PFKFB3: variants seen among roughly 807,000 people sequenced by gnomAD.
The protein encoded by PFKFB3 is 6-phosphofructo-2-kinase/fructose-2,6-bisphosphatase 3.
PFKFB3 carries 33 observed loss-of-function variants against 68.0 expected under a neutral mutation model. That is an observed-to-expected ratio of 0.49 (90% CI 0.37 to 0.65). The LOEUF (loss-of-function observed/expected upper bound fraction) is 0.65, where lower values mean the gene tolerates loss of function less well. Among genes scored for constraint, PFKFB3 ranks in the 30% least tolerant of loss-of-function variants. The pLI is 0.00. For synonymous variants in PFKFB3, 315 were observed against 288.2 expected, an observed-to-expected ratio of 1.09 and a Z score of -0.94; for missense variants, 586 against 712.2, an observed-to-expected ratio of 0.82 and a Z score of 2.02.
At chr10:6,194,575 A>C (rs902001201) in intron 1 of PFKFB3, among the ~76,000 whole-genome samples, 1 of 152,178 alleles carries the variant, frequency 6.6e-6, no homozygotes, top group Non-Finnish European at 1.5e-5. Context: ...AGGAAGATCA[A>C]CTCAGCTTAG....
Position 6,220,994 on chromosome 10 carries a change from T to G in PFKFB3, c.831+129T>G, listed in dbSNP as rs1278510252. 2 of 891,284 alleles carry G rather than the reference T, an allele frequency of 2.2e-6. No individual in the cohort carries two copies. The highest frequency in any genetic ancestry group is 3.3e-5 in the African/African-American group (2 of 61,132). 55.2% of individuals were successfully genotyped at this position (891,284 alleles called of 1,614,324 possible). On this transcript the variant is annotated intron_variant, in intron 8 of 14. Coordinates refer to ENST00000379775, the MANE Select transcript of PFKFB3 (RefSeq NM_004566.4). This position sits in a 1 kb window ranked among gnomAD's most constrained non-coding sequence, Gnocchi z 4.1. ...CTTGGTGTGCTTGCTGTGTGTGTTA[T>G]CTGTGTGTGCGCCTGCACGTCTCTA...
chr10:6,213,837 T>A, intron 2 of PFKFB3, 89 bp downstream of exon 2: 1 of 1,428,986 alleles, frequency 7.0e-7, no homozygotes, highest in Non-Finnish European at 9.6e-7. Context: ...GGACCACCCC[T>A]GGGCGCCTCT....
chr10:6,173,355 C>T (rs1486309837), intron 1 of PFKFB3, among the ~76,000 whole-genome samples: 3 of 152,146 alleles, frequency 2.0e-5, no homozygotes, highest in South Asian at 2.1e-4. Context: ...CTGGAGGGGG[C>T]GCTCAGGAAG....
chr10:6,198,282 A>T (rs1177403724), upstream of PFKFB3, among the ~76,000 whole-genome samples: 1 of 151,800 alleles, frequency 6.6e-6, no homozygotes, highest in African/African-American at 2.4e-5. Context: ...AGAAAAGAAA[A>T]GGAAATGCCC....
At chr10:6,226,912 C>T (rs903173120) in intron 14 of PFKFB3, among the ~76,000 whole-genome samples, 3 of 152,122 alleles carry the variant, frequency 2.0e-5, no homozygotes, top group Non-Finnish European at 2.9e-5. Flanking sequence ...ATGGCGAAAC[C>T]CTGTCTTTAC....
the PFKFB3 span, among the ~76,000 whole-genome samples, chr10:6,323,156 T>C: frequency 6.6e-6 from 1 of 152,208 alleles, no homozygotes; most frequent in Admixed American, 6.5e-5. Context: ...CCATTGGATA[T>C]ATCTGTATCT....
rs1844812204 is a variant in PFKFB3 at position 6,219,564 on chromosome 10, T to C, written c.499-5T>C. On this transcript the variant is annotated splice_region_variant and splice_polypyrimidine_tract_variant and intron_variant, in intron 6 of 14. Coordinates refer to ENST00000379775, the MANE Select transcript of PFKFB3 (RefSeq NM_004566.4). ...TTTATCAGCCACCCCTTTGTGGTGT[T>C]GCAGGAAGTTAAAATCTCCAGCCCG... 2.5e-6 allele frequency: 4 copies of C among 1,613,908 alleles called. No homozygotes were observed. The highest frequency in any genetic ancestry group is 1.3e-5 in the African/African-American group (1 of 74,912).
chr10:6,177,408 C>CTTTCT (rs1454122984), intron 1 of PFKFB3, among the ~76,000 whole-genome samples: 1 of 52,544 alleles, frequency 1.9e-5, no homozygotes, highest in Non-Finnish European at 4.5e-5. Flanking sequence ...TTCTTTCTTT[C>CTTTCT]TTCTTTCTCT....
At chr10:6,146,424 G>T in intron 1 of PFKFB3, 2 of 1,535,588 alleles carry the variant, frequency 1.3e-6, no homozygotes, top group Non-Finnish European at 1.7e-6. Flanking sequence ...GCAAGCAGGG[G>T]CTCTGCCACT....
At chr10:6,311,003 GA>G in the PFKFB3 span, among the ~76,000 whole-genome samples, 60 of 151,808 alleles carry the variant, frequency 4.0e-4, no homozygotes, top group African/African-American at 1.4e-3. Context: ...AGTTAAAAGA[GA>G]AAAAAAACCC....
At chr10:6,176,492 C>T (rs779352616) in intron 1 of PFKFB3, among the ~76,000 whole-genome samples, 1 of 152,164 alleles carries the variant, frequency 6.6e-6, no homozygotes, top group South Asian at 2.1e-4. Context: ...ACTGCAACCT[C>T]GAATCCTGGG....
chr10:6,155,626 A>T (rs1841756729), intron 1 of PFKFB3, among the ~76,000 whole-genome samples: 1 of 151,700 alleles, frequency 6.6e-6, no homozygotes, highest in African/African-American at 2.4e-5. Context: ...ATGGACCCCC[A>T]CTCCAGGAAG....
At chr10:6,210,418 T>A (rs181840622) in intron 1 of PFKFB3, among the ~76,000 whole-genome samples, 3 of 99,112 alleles carry the variant, frequency 3.0e-5, no homozygotes, top group East Asian at 2.6e-4. Flanking sequence ...TGGAGTGCAG[T>A]GGCGCTATCT....
chr10:6,231,508 A>G, intron 14 of PFKFB3: 2 of 985,296 alleles, frequency 2.0e-6, no homozygotes, highest in Non-Finnish European at 2.4e-6. Context: ...CCCCTGGGTG[A>G]AGGACGTGGA....
the PFKFB3 span, chr10:6,294,095 C>G: frequency 2.0e-6 from 1 of 494,594 alleles, no homozygotes. Flanking sequence ...CCTGAATTGG[C>G]GCACCAGAAA....
At chr10:6,166,616 A>G (rs1057036740) in intron 1 of PFKFB3, among the ~76,000 whole-genome samples, 1 of 152,106 alleles carries the variant, frequency 6.6e-6, no homozygotes, top group African/African-American at 2.4e-5. Flanking sequence ...GGAGAATGCC[A>G]GGGCTTCTCT....
chr10:6,177,354 C>CTTTCTTTCTT (rs1301342118), intron 1 of PFKFB3, among the ~76,000 whole-genome samples: 12 of 78,034 alleles, frequency 1.5e-4, no homozygotes, highest in East Asian at 8.0e-4. Context: ...CTTTTCTTTT[C>CTTTCTTTCTT]TCTTTCTTTC....
chr10:6,232,997 G>A lies in PFKFB3; in HGVS notation c.*55G>A, dbSNP rs1165319923. The A allele has an allele frequency of 2.8e-6, 4 of 1,420,282 alleles. No homozygotes were observed. In the South Asian group the frequency reaches 3.4e-5, roughly 12 times the overall value. The allele number at this position is 1,420,282 out of a possible 1,614,324, so 88.0% of individuals were successfully genotyped here. A position where few individuals can be genotyped will look rare whatever the true frequency, so the allele number is the denominator to read the frequency against. ...ATTTCTGCAGCTTAGCTTGTGTCCT[G>A]CCCTCCGCCCGAGGCAAAACGTATC... is the stretch of plus-strand genomic sequence containing the variant. On this transcript the variant is annotated 3_prime_UTR_variant, in exon 15 of 15. Transcript: ENST00000379775.
At chr10:6,324,117 A>G in the PFKFB3 span, among the ~76,000 whole-genome samples, 931 of 152,364 alleles carry the variant, frequency 6.1e-3, 5 homozygotes, top group Middle Eastern at 0.037. Flanking sequence ...ACAATGGAAT[A>G]TTATTCAGCT....
Sources: gnomAD v4.1 joint callset for allele counts (sites outside exome capture counted in the v4.1 genomes callset) on GRCh38, gnomAD v4.1.1 for gene constraint, Gnocchi (gnomAD v3.1) non-coding constraint, MANE v1.5 for transcripts, NCBI Gene and HGNC (gene_info 2026-07-23, HGNC 2026-07-21) for gene names.